NUP54: variants seen among roughly 807,000 people sequenced by gnomAD.
NUP54 encodes the protein nucleoporin 54, also known as nucleoporin p54.
Under a neutral mutation model 66.4 loss-of-function variants are expected in NUP54, and 27 were observed. The observed-to-expected ratio is 0.41, with a 90% CI of 0.30 to 0.56. The LOEUF is 0.56. Among genes scored for constraint, NUP54 ranks in the 20% least tolerant of loss-of-function variants. The pLI is 0.34. For synonymous variants in NUP54, 206 were observed against 210.7 expected (o/e 0.98, Z 0.19); for missense variants, 486 against 596.3 (o/e 0.82, Z 1.93).
At chr4:76,146,984 G>A (rs1309125993) in intron 1 of NUP54, among the ~76,000 whole-genome samples, 4 of 152,114 alleles carry the variant, frequency 2.6e-5, no homozygotes, top group Non-Finnish European at 4.4e-5. Context: ...AATCTGCTGA[G>A]TTGACCAAAG....
At chr4:76,129,674 G>A (rs35109989) in intron 8 of NUP54, among the ~76,000 whole-genome samples, 93 of 152,084 alleles carry the variant, frequency 6.1e-4, no homozygotes, top group Non-Finnish European at 1.0e-3. Flanking sequence ...GACCATCCTG[G>A]TTAACACGGT....
chr4:76,117,970 A>G (rs1730027138), intron 10 of NUP54, 105 bp downstream of exon 10: 2 of 1,218,932 alleles, frequency 1.6e-6, no homozygotes, highest in African/African-American at 3.0e-5. Context: ...CTAATTGGAG[A>G]TAAGAAACAC....
In NUP54 at chr4:76,136,192, T is replaced by A. The variant is rs749787496; in HGVS notation, c.516A>T (p.Arg172=). The change falls in exon 4 of 12, where the codon CGA becomes CGT. Residue 172 remains arginine (R), a synonymous_variant. Coordinates refer to ENST00000264883, the MANE Select transcript of NUP54 (RefSeq NM_017426.4). ...VEFTQENPFC[R]FKAVGYSCMP... Reference sequence around the variant, plus strand: ...AAAATAGTATTAATAATACCTTAAATCGGCAAAAGGGATTTTCTTGTGTGA... The same window carrying A: ...AAAATAGTATTAATAATACCTTAAAACGGCAAAAGGGATTTTCTTGTGTGA... The A allele has an allele frequency of 6.2e-7, 1 of 1,610,388 alleles. No homozygotes were observed. The highest frequency in any genetic ancestry group is 1.7e-5 in the Admixed American group (1 of 59,990).
Position 76,131,293 on chromosome 4 carries a change from A to G in NUP54, c.908-9T>C. The stretch of plus-strand genomic sequence containing the variant: ...GATAATAGGATCAACACCTACCACA[A>G]ATAAAAAATATTTTTTCTAAAACAA... On this transcript the variant is annotated splice_polypyrimidine_tract_variant and intron_variant, in intron 6 of 11. Coordinates refer to ENST00000264883, the MANE Select transcript of NUP54 (RefSeq NM_017426.4). The G allele has an allele frequency of 6.5e-7, 1 of 1,548,604 alleles. No individual in the cohort carries two copies. The highest frequency in any genetic ancestry group is 8.8e-7 in the Non-Finnish European group (1 of 1,137,106).
At chr4:76,128,597 C>T (rs1192464969) in intron 8 of NUP54, among the ~76,000 whole-genome samples, 3 of 152,132 alleles carry the variant, frequency 2.0e-5, no homozygotes, top group South Asian at 2.1e-4. Context: ...CATACAAACA[C>T]TTTTTATCAA....
At chr4:76,141,976 C>T (rs546374865) in intron 3 of NUP54, among the ~76,000 whole-genome samples, 1 of 152,196 alleles carries the variant, frequency 6.6e-6, no homozygotes, top group Admixed American at 6.5e-5. Flanking sequence ...TGCGTGGATA[C>T]CCTAGAATCT....
chr4:76,125,778 A>G lies in NUP54; in HGVS notation c.1057-1022T>C, dbSNP rs201027672. Among the ~76,000 whole-genome samples the G allele has an allele frequency of 7.8e-3, 115 of 14,812 alleles. 3 individuals are homozygous for G. Among genetic ancestry groups the G allele is most frequent in the East Asian group, 0.035 (4 of 114 alleles). The allele number at this position is 14,812 out of a possible 152,430, so 9.7% of individuals were successfully genotyped here. A position where few individuals can be genotyped will look rare whatever the true frequency, so the allele number is the denominator to read the frequency against. On this transcript the variant is annotated intron_variant, in intron 8 of 11. Transcript: ENST00000264883. ...GAGAGGGGGAGAGGGGGAGAGAGGGAGAGAGGGGGAGAGAGGGAGAGGGAG... is the reference window on the plus strand; with the variant it reads ...GAGAGGGGGAGAGGGGGAGAGAGGGGGAGAGGGGGAGAGAGGGAGAGGGAG...
At position 76,136,393 on chromosome 4, in the gene NUP54, A is replaced by G. The variant is rs1447890100; in HGVS notation, c.315T>C (p.Ser105=). 6.2e-7 allele frequency: 1 copy of G among 1,613,366 alleles called. No homozygotes were observed. Among genetic ancestry groups the G allele is most frequent in the Non-Finnish European group, 8.5e-7 (1 of 1,179,584 alleles). The stretch of plus-strand genomic sequence containing the variant: ...ACTGGGTAGGAGCTTGTGTAGGCTG[A>G]CTGAAGAGACCACCTAATGCTAAAA... ...QQQTTLGGLF[S]QPTQAPTQSN... Residue 105 remains serine, a synonymous_variant, in exon 4 of 12, where the codon AGT becomes AGC. Transcript: ENST00000264883.
rs542884548 is a variant in NUP54, at chr4:76,132,398, T to C, written c.907+125A>G. On this transcript the variant is annotated intron_variant, in intron 6 of 11. Transcript: ENST00000264883. ...TATTCAAAACTATTTCCCAAATAAG[T>C]AGATATATGACAAGATGATACTAAT... is the stretch of plus-strand genomic sequence containing the variant. 4.6e-5 allele frequency: 28 copies of C among 603,272 alleles called. No homozygotes were observed. The East Asian group carries it at 6.0e-4, about 13-fold the overall frequency. 37.4% of individuals were successfully genotyped at this position (603,272 alleles called of 1,614,324 possible). A position where few individuals can be genotyped will look rare whatever the true frequency, so the allele number is the denominator to read the frequency against.
Position 76,117,155 on chromosome 4 carries a change from A to G in NUP54, c.1395+509T>C, listed in dbSNP as rs1289494511. 5.9e-5 allele frequency among the ~76,000 whole-genome samples: 9 copies of G among 152,304 alleles called. No homozygotes were observed. The East Asian group carries it at 1.4e-3, about 23-fold the overall frequency. On this transcript the variant is annotated intron_variant, in intron 11 of 11. Transcript: ENST00000264883. Reference sequence around the variant, plus strand: ...TTAATTGGACTACTAGGTACTTTTCATAAGTGAAATCATAAATATTTCCCT... The same window carrying G: ...TTAATTGGACTACTAGGTACTTTTCGTAAGTGAAATCATAAATATTTCCCT...
chr4:76,136,496 G>A, intron 3 of NUP54, 84 bp from the exon 4 acceptor site: 5 of 1,009,974 alleles, frequency 5.0e-6, no homozygotes, highest in Non-Finnish European at 7.5e-6. Flanking sequence ...GCAAAATAAT[G>A]GCCCCCTCCA....
In NUP54 at chr4:76,117,695, A is replaced by C; in HGVS notation, c.1364T>G (p.Ile455Arg). Residue 455 changes from isoleucine to arginine, a missense_variant, in exon 11 of 12, where the codon ATA (isoleucine) becomes AGA (arginine). Ile to Arg is a moderately conservative substitution (Grantham distance 97). This residue lies in a region of NUP54 where 83 missense variants were observed against 128.6 expected (regional missense o/e 0.65). Transcript: ENST00000264883. ...GATTTCTCGTAACAGATCTGCATCTATGTAATACCTTTCTTCAGATCTGAC... is the reference window on the plus strand; with the variant it reads ...GATTTCTCGTAACAGATCTGCATCTCTGTAATACCTTTCTTCAGATCTGAC... ...GAVRSEERYY[I>R]DADLLREIKQ... is the part of the protein sequence containing the mutation. 6.2e-7 allele frequency: 1 copy of C among 1,613,234 alleles called. No homozygotes were observed. Among genetic ancestry groups the C allele is most frequent in the Non-Finnish European group, 8.5e-7 (1 of 1,179,226 alleles).
chr4:76,132,350 A>G, intron 6 of NUP54, 173 bp downstream of exon 6: 1 of 436,252 alleles, frequency 2.3e-6, no homozygotes, highest in Non-Finnish European at 3.9e-6. Flanking sequence ...TAGCTATATA[A>G]TAAAAAACTA....
At chr4:76,133,566 C>CA (rs1730908371) in intron 5 of NUP54, among the ~76,000 whole-genome samples, 1 of 152,118 alleles carries the variant, frequency 6.6e-6, no homozygotes, top group Non-Finnish European at 1.5e-5. Context: ...CTCGGCCTCC[C>CA]AAAGTGCTGG....
intron 9 of NUP54, among the ~76,000 whole-genome samples, chr4:76,122,050 T>A (rs1313778690): frequency 6.6e-6 from 1 of 152,226 alleles, no homozygotes; most frequent in African/African-American, 2.4e-5. Context: ...ATTTTAGTGT[T>A]TTGCCTTTTG....
chr4:76,140,217 G>A (rs1291501629), intron 3 of NUP54, among the ~76,000 whole-genome samples: 5 of 150,266 alleles, frequency 3.3e-5, no homozygotes, highest in African/African-American at 1.2e-4. Flanking sequence ...TGGATAGAGG[G>A]AGAAAAAAAA....
Position 76,129,966 on chromosome 4 carries a change from G to GTTTTTTTT in NUP54, c.1056+682_1056+689dup, listed in dbSNP as rs775109047. On this transcript the variant is annotated intron_variant, in intron 8 of 11. Coordinates refer to ENST00000264883, the MANE Select transcript of NUP54 (RefSeq NM_017426.4). ...AATCTTTAAGTATTTAATTATGAAA[G>GTTTTTTTT]TTTTTTTTTTTTTTTTTTTTTTTTT... Among the ~76,000 whole-genome samples, 44 of 56,864 alleles carry GTTTTTTTT rather than the reference G, an allele frequency of 7.7e-4. 10 individuals carry two copies. Among genetic ancestry groups the GTTTTTTTT allele is most frequent in the Non-Finnish European group, 1.1e-3 (35 of 33,170 alleles). 37.3% of individuals were successfully genotyped at this position (56,864 alleles called of 152,430 possible).
At chr4:76,135,737 GAGA>G (rs1264367696) in intron 4 of NUP54, among the ~76,000 whole-genome samples, 2 of 152,216 alleles carry the variant, frequency 1.3e-5, no homozygotes, top group African/African-American at 4.8e-5. Context: ...AGAGACAAAT[GAGA>G]AGGTTGTTTG....
At chr4:76,145,242 C>T (rs1051573225) in intron 1 of NUP54, among the ~76,000 whole-genome samples, 3 of 147,604 alleles carry the variant, frequency 2.0e-5, no homozygotes, top group East Asian at 2.0e-4. Flanking sequence ...GGCGTGGACC[C>T]GGGAGGTGGA....
Sources: allele counts gnomAD v4.1 joint callset (sites outside exome capture counted in the v4.1 genomes callset), GRCh38; gene constraint gnomAD v4.1.1; regional missense constraint gnomAD v4.1.1; transcripts MANE v1.5; gene names NCBI Gene and HGNC (gene_info 2026-07-23, HGNC 2026-07-21).